The following TTC29 variants were observed in gnomAD, a reference collection of about 807,000 sequenced individuals.
TTC29 encodes tetratricopeptide repeat domain 29.
A neutral mutation model predicts 58.1 loss-of-function variants in TTC29; 49 were observed. The observed-to-expected ratio is 0.84, with a 90% CI of 0.67 to 1.07. TTC29 has a LOEUF of 1.07. Among genes scored for constraint, TTC29 ranks in the 50% least tolerant of loss-of-function variants. The pLI, the probability that TTC29 is intolerant of heterozygous loss-of-function variation, is 0.00. For missense variants in TTC29, 582 were observed against 555.6 expected (o/e 1.05, Z -0.48); for synonymous variants, 209 against 196.8 (o/e 1.06, Z -0.52).
intron 11 of TTC29, among the ~76,000 whole-genome samples, chr4:146,724,489 C>CT (rs754974862): frequency 3.3e-5 from 5 of 151,888 alleles, no homozygotes; most frequent in Non-Finnish European, 7.4e-5. Flanking sequence ...TTATAAAATG[C>CT]TTTAGAGAAG....
At chr4:146,791,841 A>C (rs911018934) in intron 11 of TTC29, among the ~76,000 whole-genome samples, 4 of 152,222 alleles carry the variant, frequency 2.6e-5, no homozygotes, top group Non-Finnish European at 5.9e-5. Flanking sequence ...TGTATTGCTG[A>C]TATGGAGAAA....
chr4:146,843,900 T>C (rs1279526883), intron 8 of TTC29, among the ~76,000 whole-genome samples: 1 of 152,178 alleles, frequency 6.6e-6, no homozygotes, highest in Non-Finnish European at 1.5e-5. Flanking sequence ...TGCAGAGTTT[T>C]AGGGAACGCT....
intron 11 of TTC29, among the ~76,000 whole-genome samples, chr4:146,781,230 T>A (rs1748575370): frequency 6.6e-6 from 1 of 151,990 alleles, no homozygotes; most frequent in Non-Finnish European, 1.5e-5. Context: ...AGTAGAATAA[T>A]CGCTGGATTG....
intron 6 of TTC29, among the ~76,000 whole-genome samples, chr4:146,887,966 G>A (rs917721471): frequency 6.6e-6 from 1 of 151,994 alleles, no homozygotes; most frequent in Non-Finnish European, 1.5e-5. Context: ...AAGCCTTCAT[G>A]CTCCCCGAGA....
At chr4:146,916,738 C>G (rs972212344) in intron 4 of TTC29, among the ~76,000 whole-genome samples, 11 of 151,346 alleles carry the variant, frequency 7.3e-5, no homozygotes, top group African/African-American at 2.4e-4. Context: ...CATCCTAATA[C>G]AGATATTATT....
intron 4 of TTC29, among the ~76,000 whole-genome samples, chr4:146,917,373 A>ATC (rs77813815): frequency 0.16 from 23,452 of 148,674 alleles, 2,940 homozygotes; most frequent in African/African-American, 0.34. Flanking sequence ...TTATAATATT[A>ATC]TGTTATGACT....
chr4:146,928,442 T>C (rs1355922771), intron 4 of TTC29, among the ~76,000 whole-genome samples: 1 of 152,242 alleles, frequency 6.6e-6, no homozygotes, highest in East Asian at 1.9e-4. Flanking sequence ...TCATTACTAT[T>C]ATTTTTGCAA....
intron 4 of TTC29, among the ~76,000 whole-genome samples, chr4:146,931,052 A>T (rs1006895136): frequency 4.6e-5 from 7 of 152,126 alleles, no homozygotes; most frequent in African/African-American, 1.7e-4. Flanking sequence ...AAATTTTCTT[A>T]AAAAAACTGG....
chr4:146,728,858 C>CATATATATATGTGTATATAT lies in TTC29; in HGVS notation c.1331-21308_1331-21307insATATATACACATATATATAT, dbSNP rs1344862897. ...ATACACATATATATGTATATATATACACATATATATGTGTGTGTATATATA... is the reference window on the plus strand; with the variant it reads ...ATACACATATATATGTATATATATACATATATATATGTGTATATATACATATATATGTGTGTGTATATATA... On this transcript the variant is annotated intron_variant, in intron 11 of 12. Coordinates refer to ENST00000325106, the MANE Select transcript of TTC29 (RefSeq NM_031956.4). 5.6e-4 allele frequency among the ~76,000 whole-genome samples: 23 copies of CATATATATATGTGTATATAT among 41,232 alleles called. 2 individuals are homozygous for CATATATATATGTGTATATAT. The East Asian group carries it at 8.3e-3, about 15-fold the overall frequency. 27.0% of individuals were successfully genotyped at this position (41,232 alleles called of 152,430 possible).
intron 5 of TTC29, among the ~76,000 whole-genome samples, chr4:146,904,038 T>G (rs2150273329): frequency 6.6e-6 from 1 of 152,298 alleles, no homozygotes; most frequent in Admixed American, 6.5e-5. Context: ...ACTAGCAACA[T>G]GCTGAGTGCT....
At chr4:146,909,278 G>A (rs765837545) in intron 4 of TTC29, 29 bp from the exon 5 acceptor site, 9 of 1,521,414 alleles carry the variant, frequency 5.9e-6, no homozygotes, top group Non-Finnish European at 8.1e-6. Flanking sequence ...ACACTCTCAG[G>A]TTTATGTTAA....
intron 11 of TTC29, among the ~76,000 whole-genome samples, chr4:146,796,607 T>C (rs1458575064): frequency 6.6e-6 from 1 of 152,196 alleles, no homozygotes; most frequent in Non-Finnish European, 1.5e-5. Flanking sequence ...TTTTAGGATA[T>C]AATCCATTAG....
At chr4:146,876,145 A>G (rs1451652572) in intron 6 of TTC29, among the ~76,000 whole-genome samples, 1 of 152,162 alleles carries the variant, frequency 6.6e-6, no homozygotes, top group Non-Finnish European at 1.5e-5. Flanking sequence ...GCCTTACTTT[A>G]TTCTTCTGCA....
intron 6 of TTC29, among the ~76,000 whole-genome samples, chr4:146,899,261 G>A (rs952295): frequency 1.2e-3 from 188 of 152,240 alleles, no homozygotes; most frequent in African/African-American, 4.3e-3. Flanking sequence ...AGGAGGAGCT[G>A]GTGTTTCCCC....
chr4:146,910,661 G>A (rs1347161255), intron 4 of TTC29, among the ~76,000 whole-genome samples: 1 of 152,156 alleles, frequency 6.6e-6, no homozygotes, highest in African/African-American at 2.4e-5. Context: ...GACATGACGA[G>A]ACTGCATTTT....
intron 6 of TTC29, among the ~76,000 whole-genome samples, chr4:146,890,504 A>C (rs984639781): frequency 5.3e-5 from 8 of 152,166 alleles, no homozygotes; most frequent in Admixed American, 2.0e-4. Flanking sequence ...CTAGAATCAC[A>C]GACACGGTTA....
At chr4:146,726,439 ACT>A (rs1408349567) in intron 11 of TTC29, among the ~76,000 whole-genome samples, 1 of 151,476 alleles carries the variant, frequency 6.6e-6, no homozygotes, top group Non-Finnish European at 1.5e-5. Flanking sequence ...ATACAGTGAG[ACT>A]CTGTCTCAAA....
At chr4:146,869,459 C>G (rs1473993959) in intron 7 of TTC29, among the ~76,000 whole-genome samples, 1 of 152,130 alleles carries the variant, frequency 6.6e-6, no homozygotes, top group Admixed American at 6.5e-5. Flanking sequence ...AACTTTAATT[C>G]TTAAAATTCA....
chr4:146,821,031 A>G (rs907322972), intron 9 of TTC29, among the ~76,000 whole-genome samples: 1 of 152,118 alleles, frequency 6.6e-6, no homozygotes, highest in African/African-American at 2.4e-5. Context: ...GAAAGAAAAA[A>G]AAAAAAGAAT....
Sources: gnomAD v4.1 joint callset for allele counts (sites outside exome capture counted in the v4.1 genomes callset) on GRCh38, gnomAD v4.1.1 for gene constraint, MANE v1.5 for transcripts, NCBI Gene and HGNC (gene_info 2026-07-23, HGNC 2026-07-21) for gene names.